Variants in PALM2AKAP2 observed in about 807,000 individuals in gnomAD.
PALM2AKAP2 encodes PALM2 and AKAP2 fusion, also known as PALM2-AKAP2 fusion protein.
A neutral mutation model predicts 71.5 loss-of-function variants in PALM2AKAP2; 37 were observed. The observed-to-expected ratio is 0.52, with a 90% CI of 0.40 to 0.68. The LOEUF is 0.68. Among genes scored for constraint, PALM2AKAP2 ranks in the 30% least tolerant of loss-of-function variants. The probability of loss-of-function intolerance (pLI) is 0.00; values close to 1 mark genes in which losing one functional copy is unlikely to be tolerated. For synonymous variants in PALM2AKAP2, 468 were observed against 478.8 expected, an observed-to-expected ratio of 0.98 and a Z score of 0.29; for missense variants, 1,224 against 1,191.8, an observed-to-expected ratio of 1.03 and a Z score of -0.40.
At chr9:109,881,876 CTT>C (rs565835467) in intron 3 of PALM2AKAP2, among the ~76,000 whole-genome samples, 4 of 95,114 alleles carry the variant, frequency 4.2e-5, no homozygotes, top group Non-Finnish European at 6.4e-5. Context: ...CTTATGAGCT[CTT>C]TTTTTTTTTT....
intron 2 of PALM2AKAP2, among the ~76,000 whole-genome samples, chr9:110,145,177 A>C (rs993594333): frequency 6.6e-6 from 1 of 151,998 alleles, no homozygotes; most frequent in Non-Finnish European, 1.5e-5. Context: ...TGGGTGTATA[A>C]ATTTGACTCT....
chr9:109,757,911 G>A (rs1261762315), intron 1 of PALM2AKAP2, among the ~76,000 whole-genome samples: 1 of 151,694 alleles, frequency 6.6e-6, no homozygotes, highest in Non-Finnish European at 1.5e-5. Flanking sequence ...TTTCAAGAAG[G>A]TAATATATTC....
At chr9:110,018,578 G>A (rs963535458) in intron 7 of PALM2AKAP2, among the ~76,000 whole-genome samples, 3 of 152,154 alleles carry the variant, frequency 2.0e-5, no homozygotes, top group South Asian at 2.1e-4. Flanking sequence ...TGATCTGCCC[G>A]CCTCAGCCTC....
intron 1 of PALM2AKAP2, among the ~76,000 whole-genome samples, chr9:109,781,683 C>A (rs1415319018): frequency 6.6e-6 from 1 of 152,238 alleles, no homozygotes; most frequent in African/African-American, 2.4e-5. Context: ...CGCCTCAAAT[C>A]TGAAATGTCT....
intron 1 of PALM2AKAP2, among the ~76,000 whole-genome samples, chr9:110,126,215 C>T (rs1835602381): frequency 6.6e-6 from 1 of 152,172 alleles, no homozygotes; most frequent in Admixed American, 6.5e-5. Flanking sequence ...ACCACAAATG[C>T]ATCTGGCACT....
intron 6 of PALM2AKAP2, among the ~76,000 whole-genome samples, chr9:109,970,907 A>G (rs1272399861): frequency 6.6e-6 from 1 of 152,176 alleles, no homozygotes; most frequent in Non-Finnish European, 1.5e-5. Context: ...AGGAGTTTTG[A>G]GACCAGCCTG....
chr9:109,985,564 G>A (rs1398981367), intron 6 of PALM2AKAP2, among the ~76,000 whole-genome samples: 5 of 148,360 alleles, frequency 3.4e-5, no homozygotes, highest in African/African-American at 7.5e-5. Flanking sequence ...AGCTTGCAAT[G>A]AGCCGAGATG....
chr9:109,681,513 C>T (rs1055121812), intron 1 of PALM2AKAP2, among the ~76,000 whole-genome samples: 15 of 152,148 alleles, frequency 9.9e-5, no homozygotes, highest in Non-Finnish European at 1.6e-4. Context: ...GGATTCCTGC[C>T]TGCAGATAAC....
intron 1 of PALM2AKAP2, among the ~76,000 whole-genome samples, chr9:109,662,624 T>C (rs1191121060): frequency 2.2e-5 from 3 of 136,848 alleles, no homozygotes; most frequent in Middle Eastern, 3.5e-3. Flanking sequence ...TGGTCTAAAA[T>C]TCTCTTTTTT....
At chr9:109,712,826 A>G (rs1828261859) in intron 1 of PALM2AKAP2, among the ~76,000 whole-genome samples, 1 of 152,228 alleles carries the variant, frequency 6.6e-6, no homozygotes, top group Admixed American at 6.5e-5. Context: ...GAGAAAGCTC[A>G]CTACTTCCCC....
At chr9:109,772,270 C>T (rs1829277088) in intron 1 of PALM2AKAP2, among the ~76,000 whole-genome samples, 1 of 152,158 alleles carries the variant, frequency 6.6e-6, no homozygotes. Flanking sequence ...CTTCCATGTG[C>T]TGGCTACCAC....
At chr9:109,858,224 C>T in intron 1 of PALM2AKAP2, among the ~76,000 whole-genome samples, 1 of 152,148 alleles carries the variant, frequency 6.6e-6, no homozygotes, top group African/African-American at 2.4e-5. Flanking sequence ...CAGTTTTCTC[C>T]TCTGTAAAAT....
chr9:109,926,685 T>C (rs1830965289), intron 5 of PALM2AKAP2, among the ~76,000 whole-genome samples: 1 of 152,160 alleles, frequency 6.6e-6, no homozygotes, highest in Non-Finnish European at 1.5e-5. Flanking sequence ...CCTTTTATGC[T>C]TTCACTTTTT....
chr9:110,061,695 C>T (rs746363934), intron 1 of PALM2AKAP2, among the ~76,000 whole-genome samples: 10 of 150,986 alleles, frequency 6.6e-5, no homozygotes, highest in Non-Finnish European at 8.8e-5. Context: ...CACACCACCA[C>T]GCCTGGCTAA....
At chr9:109,982,030 G>A (rs1403220998) in intron 6 of PALM2AKAP2, among the ~76,000 whole-genome samples, 2 of 152,156 alleles carry the variant, frequency 1.3e-5, no homozygotes, top group Non-Finnish European at 2.9e-5. Flanking sequence ...CACAATAGCC[G>A]AGATTTGGAA....
chr9:109,785,118 G>A (rs1007837688), intron 1 of PALM2AKAP2, among the ~76,000 whole-genome samples: 2 of 152,198 alleles, frequency 1.3e-5, no homozygotes, highest in Non-Finnish European at 2.9e-5. Flanking sequence ...TGTCTTGGGT[G>A]AAACTCCTAA....
At chr9:110,040,944 T>C (rs1158848444) in intron 7 of PALM2AKAP2, among the ~76,000 whole-genome samples, 2 of 152,206 alleles carry the variant, frequency 1.3e-5, no homozygotes, top group Non-Finnish European at 2.9e-5. Flanking sequence ...TTGTATGCTG[T>C]CTCTCTATTA....
intron 1 of PALM2AKAP2, among the ~76,000 whole-genome samples, chr9:110,069,784 C>G (rs1300799742): frequency 1.3e-5 from 2 of 152,244 alleles, no homozygotes; most frequent in African/African-American, 2.4e-5. Flanking sequence ...GGAGCTGCAA[C>G]AGAGTGAGTC....
At chr9:110,026,390 T>C (rs1378021034) in intron 7 of PALM2AKAP2, among the ~76,000 whole-genome samples, 1 of 152,230 alleles carries the variant, frequency 6.6e-6, no homozygotes, top group Non-Finnish European at 1.5e-5. Flanking sequence ...TTATCTCTCT[T>C]TTCTATTTTC....
Sources: gnomAD v4.1 joint callset for allele counts (sites outside exome capture counted in the v4.1 genomes callset) on GRCh38, gnomAD v4.1.1 for gene constraint, MANE v1.5 for transcripts, NCBI Gene and HGNC (gene_info 2026-07-23, HGNC 2026-07-21) for gene names.